The following NAV2 variants were observed in gnomAD, a reference collection of about 807,000 sequenced individuals.
NAV2 encodes the protein neuron navigator 2, also known as helicase, APC down-regulated 1.
In NAV2, 54 loss-of-function variants were observed where a neutral mutation model predicts 223.2. The ratio of observed to expected loss-of-function variants is 0.24; its 90% CI spans 0.19 to 0.30. NAV2 has a LOEUF of 0.30. NAV2 is among the 10% of genes least tolerant of loss of function. The pLI, the probability that NAV2 is intolerant of heterozygous loss-of-function variation, is 1.00. For missense variants in NAV2, 2,806 were observed against 3,147.5 expected, an observed-to-expected ratio of 0.89 and a Z score of 2.60; for synonymous variants, 1,279 against 1,239.3, an observed-to-expected ratio of 1.03 and a Z score of -0.67.
intron 1 of NAV2, among the ~76,000 whole-genome samples, chr11:19,490,860 T>C (rs2042601884): frequency 6.6e-6 from 1 of 152,236 alleles, no homozygotes; most frequent in Admixed American, 6.5e-5. Flanking sequence ...TTGAAATGTA[T>C]TTTTGAAATA....
At chr11:20,094,083 TA>T (rs1157290774) in intron 29 of NAV2, among the ~76,000 whole-genome samples, 5 of 152,110 alleles carry the variant, frequency 3.3e-5, no homozygotes, top group African/African-American at 1.2e-4. Context: ...AGCCTCACTA[TA>T]GGGGGTAAGC....
intron 1 of NAV2, among the ~76,000 whole-genome samples, chr11:19,694,289 C>A (rs7934437): frequency 0.017 from 2,603 of 152,294 alleles, 72 homozygotes; most frequent in African/African-American, 0.059. Flanking sequence ...CACTGCAAGG[C>A]AAATGAGCTG....
intron 1 of NAV2, among the ~76,000 whole-genome samples, chr11:19,489,271 C>G (rs1421527514): frequency 6.6e-6 from 1 of 152,156 alleles, no homozygotes; most frequent in Non-Finnish European, 1.5e-5. Context: ...CCCTGAGACC[C>G]AACATTGTTG....
At chr11:19,659,026 GA>G (rs1452025162) in intron 1 of NAV2, among the ~76,000 whole-genome samples, 3 of 152,282 alleles carry the variant, frequency 2.0e-5, no homozygotes, top group East Asian at 3.9e-4. Context: ...TTAGGCCCTG[GA>G]AGTACTTCAG....
intron 1 of NAV2, among the ~76,000 whole-genome samples, chr11:19,821,932 A>T (rs1229676032): frequency 2.0e-5 from 3 of 152,084 alleles, no homozygotes; most frequent in African/African-American, 7.2e-5. Context: ...GGAGCCAGTT[A>T]TTGCTTTCAA....
chr11:19,348,851 C>A (rs954757489), upstream of NAV2, among the ~76,000 whole-genome samples: 1 of 152,190 alleles, frequency 6.6e-6, no homozygotes, highest in Non-Finnish European at 1.5e-5. Flanking sequence ...AGATTTGAAC[C>A]TAGGTCTGCC....
chr11:19,670,842 C>T (rs1019821409), intron 1 of NAV2, among the ~76,000 whole-genome samples: 3 of 152,200 alleles, frequency 2.0e-5, no homozygotes, highest in Non-Finnish European at 4.4e-5. Context: ...TAAATAATGA[C>T]ACCCTGTCTT....
intron 1 of NAV2, among the ~76,000 whole-genome samples, chr11:19,597,693 G>T (rs1023712027): frequency 2.0e-5 from 3 of 152,236 alleles, no homozygotes; most frequent in African/African-American, 7.2e-5. Flanking sequence ...TACTGATAGT[G>T]GACCTTTGTC....
chr11:19,676,831 A>T (rs1186898305), intron 1 of NAV2, among the ~76,000 whole-genome samples: 1 of 152,238 alleles, frequency 6.6e-6, no homozygotes, highest in East Asian at 1.9e-4. Context: ...GGGTCAGGCC[A>T]GAGCAGCTGG....
At chr11:19,925,147 G>C (rs1485695595) in intron 6 of NAV2, among the ~76,000 whole-genome samples, 5 of 152,160 alleles carry the variant, frequency 3.3e-5, no homozygotes, top group Non-Finnish European at 7.3e-5. Flanking sequence ...TGTTGAGTTG[G>C]AAGAGTTCTT....
chr11:19,939,539 C>A, intron 7 of NAV2, 122 bp from the exon 8 acceptor site: 1 of 656,708 alleles, frequency 1.5e-6, no homozygotes, highest in Non-Finnish European at 2.7e-6. Context: ...TCTGCTGGTC[C>A]ACTCTGTTCT....
At chr11:19,451,603 T>G (rs780254416) in intron 1 of NAV2, among the ~76,000 whole-genome samples, 12 of 152,162 alleles carry the variant, frequency 7.9e-5, no homozygotes, top group Non-Finnish European at 1.8e-4. Context: ...ACAGGTGACT[T>G]GGGTATTGCA....
intron 1 of NAV2, among the ~76,000 whole-genome samples, chr11:19,362,591 A>T (rs1003696868): frequency 6.6e-6 from 1 of 152,202 alleles, no homozygotes; most frequent in Non-Finnish European, 1.5e-5. Flanking sequence ...TAGTAACAAT[A>T]GATAACATCT....
intron 1 of NAV2, among the ~76,000 whole-genome samples, chr11:19,706,473 T>C (rs1014427995): frequency 2.0e-5 from 3 of 152,238 alleles, no homozygotes. Context: ...TTTATCATTG[T>C]ATATTTTGTG....
intron 1 of NAV2, among the ~76,000 whole-genome samples, chr11:19,618,408 G>GGATGGATGGATGGATCAATGAATA (rs2046872259): frequency 7.0e-6 from 1 of 142,124 alleles, no homozygotes; most frequent in Non-Finnish European, 1.5e-5. Flanking sequence ...ATAGATGGAT[G>GGATGGATGGATGGATCAATGAATA]GATGGATGGA....
intron 1 of NAV2, among the ~76,000 whole-genome samples, chr11:19,743,201 C>T (rs1276799603): frequency 6.6e-6 from 1 of 152,180 alleles, no homozygotes; most frequent in Non-Finnish European, 1.5e-5. Flanking sequence ...CACTGTGAGG[C>T]TCCTATGAAG....
At chr11:19,554,053 T>G (rs373349863) in intron 1 of NAV2, among the ~76,000 whole-genome samples, 29 of 152,192 alleles carry the variant, frequency 1.9e-4, no homozygotes, top group Non-Finnish European at 3.8e-4. Context: ...GTGGGAGCTC[T>G]CTCTCCTTTT....
At chr11:20,103,580 G>T in intron 33 of NAV2, 73 bp from the exon 34 acceptor site, 1 of 1,531,556 alleles carries the variant, frequency 6.5e-7, no homozygotes, top group South Asian at 1.1e-5. Flanking sequence ...ACAGGGCCAT[G>T]GGCCTCTGTG....
At chr11:19,805,261 C>G (rs753318831) in intron 1 of NAV2, among the ~76,000 whole-genome samples, 1 of 152,194 alleles carries the variant, frequency 6.6e-6, no homozygotes, top group Non-Finnish European at 1.5e-5. Flanking sequence ...GCACCACTTA[C>G]ATTTTCTTCT....
Sources: gnomAD v4.1 joint callset for allele counts (sites outside exome capture counted in the v4.1 genomes callset) on GRCh38, gnomAD v4.1.1 for gene constraint, MANE v1.5 for transcripts, NCBI Gene and HGNC (gene_info 2026-07-23, HGNC 2026-07-21) for gene names.